The following STX10 variants were observed in gnomAD, a reference collection of about 807,000 sequenced individuals.
The protein encoded by STX10 is syntaxin-10.
In STX10, 35 loss-of-function variants were observed where a neutral mutation model predicts 34.1. That is an observed-to-expected ratio of 1.03 (90% confidence interval 0.78 to 1.36). The LOEUF is 1.36. Ranked by LOEUF, STX10 falls within the 40% of genes most tolerant of loss-of-function variation. The pLI is 0.00. For missense variants in STX10, 361 were observed against 335.5 expected (o/e 1.08, Z -0.59); for synonymous variants, 155 against 132.9 (o/e 1.17, Z -1.15).
chr19:13,146,822 T>G lies in STX10; in HGVS notation c.364-1427A>C, dbSNP rs374405075. On this transcript the variant is annotated intron_variant, in intron 4 of 7. Transcript: ENST00000587230. The stretch of plus-strand genomic sequence containing the variant: ...TCCCAAAGTGCTGAGATTTTAGGTG[T>G]GAGCCACCGTGCCCGGCTCCAACAG... 3.5e-4 allele frequency among the ~76,000 whole-genome samples: 54 copies of G among 152,198 alleles called. No homozygotes were observed. The East Asian group carries it at 7.5e-3, about 21-fold the overall frequency.
Position 13,150,120 on chromosome 19 carries a change from C to T in STX10, c.35+19G>A. 1 of 1,144,338 alleles carries T rather than the reference C, an allele frequency of 8.7e-7. No homozygotes were observed. The highest frequency in any genetic ancestry group is 1.3e-6 in the Non-Finnish European group (1 of 767,148). The allele number at this position is 1,144,338 out of a possible 1,614,324, so 70.9% of individuals were successfully genotyped here. ...TGGGTACAGAGCACCCTCCGCCCTC[C>T]CCCGTCGTTGTCACTCACCCTCGGA... is the stretch of plus-strand genomic sequence containing the variant. On this transcript the variant is annotated intron_variant, in intron 1 of 7. Coordinates refer to ENST00000587230, the MANE Select transcript of STX10 (RefSeq NM_003765.3). The surrounding 1 kb of genome is among the most constrained non-coding windows in gnomAD (Gnocchi z 4.0).
Position 13,149,599 on chromosome 19 carries a change from C to T in STX10, c.206-6G>A, listed in dbSNP as rs1430786629. 6.2e-7 allele frequency: 1 copy of T among 1,614,002 alleles called. No individual in the cohort carries two copies. The highest frequency in any genetic ancestry group is 8.5e-7 in the Non-Finnish European group (1 of 1,179,962). ...TGGGTTGGCTTCCACTATACGTGGGCTGAGAGTCAAGGGTCAAGGCCGGAG... is the reference window on the plus strand; with the variant it reads ...TGGGTTGGCTTCCACTATACGTGGGTTGAGAGTCAAGGGTCAAGGCCGGAG... On this transcript the variant is annotated splice_polypyrimidine_tract_variant and splice_region_variant and intron_variant, in intron 2 of 7. Transcript: ENST00000587230.
intron 4 of STX10, 130 bp downstream of exon 4, chr19:13,148,899 A>G: frequency 1.4e-6 from 1 of 694,494 alleles, no homozygotes; most frequent in Non-Finnish European, 2.5e-6. Context: ...AGGCAGGTAG[A>G]CAGCAAGAAG....
intron 3 of STX10, 69 bp downstream of exon 3, chr19:13,149,423 AAAAAAAG>A: frequency 9.4e-6 from 11 of 1,168,804 alleles, no homozygotes; most frequent in Non-Finnish European, 1.2e-5. Context: ...AAAAAAAAAA[AAAAAAAG>A]AAAGAAAGAA....
chr19:13,148,359 C>T (rs796180323), intron 4 of STX10, among the ~76,000 whole-genome samples: 2 of 151,972 alleles, frequency 1.3e-5, no homozygotes, highest in African/African-American at 4.8e-5. Context: ...CAAAATTAGC[C>T]AGGCATGGTG....
chr19:13,147,962 G>T (rs2019941672), intron 4 of STX10, among the ~76,000 whole-genome samples: 2 of 149,364 alleles, frequency 1.3e-5, no homozygotes. Context: ...CTACTCAGGA[G>T]GCTGAGGCTG....
intron 3 of STX10, 100 bp downstream of exon 3, chr19:13,149,399 G>T (rs1346942673): frequency 4.1e-6 from 4 of 972,826 alleles, no homozygotes; most frequent in South Asian, 1.7e-5. Context: ...GCGACAGAGC[G>T]AGGCTCTGTC....
At chr19:13,145,155 C>G in intron 5 of STX10, 133 bp downstream of exon 5, 1 of 824,160 alleles carries the variant, frequency 1.2e-6, no homozygotes, top group Non-Finnish European at 1.9e-6. Context: ...GCTGAGATCG[C>G]GCCACTGCAC....
chr19:13,146,680 A>C (rs2019905836), intron 4 of STX10, among the ~76,000 whole-genome samples: 1 of 151,720 alleles, frequency 6.6e-6, no homozygotes, highest in Non-Finnish European at 1.5e-5. Context: ...ATCTGAGATT[A>C]CAGGTGATCA....
At chr19:13,149,426 A>AAAAAAAAAAG (rs1555724459) in intron 3 of STX10, 73 bp downstream of exon 3, 4 of 757,148 alleles carry the variant, frequency 5.3e-6, no homozygotes, top group Admixed American at 3.1e-5. Context: ...AAAAAAAAAA[A>AAAAAAAAAAG]AAAGAAAGAA....
intron 6 of STX10, 22 bp from the exon 7 acceptor site, chr19:13,144,693 C>T (rs760229625): frequency 2.5e-6 from 4 of 1,613,788 alleles, no homozygotes; most frequent in Non-Finnish European, 3.4e-6. Context: ...AGGATGGCAT[C>T]AGCCCCAGAT....
chr19:13,147,893 CAAAAAAAAA>C (rs1159793123), intron 4 of STX10, among the ~76,000 whole-genome samples: 1 of 54,624 alleles, frequency 1.8e-5, no homozygotes, highest in Non-Finnish European at 3.3e-5. Flanking sequence ...CACTCCGTCT[CAAAAAAAAA>C]AAAAAAAAAA....
chr19:13,149,645 T>C, intron 2 of STX10, 52 bp from the exon 3 acceptor site: 1 of 1,612,210 alleles, frequency 6.2e-7, no homozygotes, highest in Non-Finnish European at 8.5e-7. Flanking sequence ...TCCCCGTCCC[T>C]AGGGGTCCAG....
At chr19:13,148,318 A>C (rs2019954404) in intron 4 of STX10, among the ~76,000 whole-genome samples, 1 of 151,858 alleles carries the variant, frequency 6.6e-6, no homozygotes, top group Admixed American at 6.6e-5. Context: ...AGCCTGACCA[A>C]CATGGAGAAA....
chr19:13,148,133 G>A (rs1034317100), intron 4 of STX10, among the ~76,000 whole-genome samples: 2 of 151,868 alleles, frequency 1.3e-5, no homozygotes, highest in African/African-American at 2.4e-5. Flanking sequence ...CAGCACTTTG[G>A]AAGGCTGAGG....
rs1441658021 is a variant in STX10, at chr19:13,149,848, A to C, written c.85T>G (p.Cys29Gly). Residue 29 changes from cysteine (C) to glycine (G), a missense_variant, in exon 2 of 8, where the codon TGC becomes GGC. By Grantham distance (159) the Cys-to-Gly change is radical. Transcript: ENST00000587230. ...NTARGLYQRW[C>G]ELLQESAAVG... The stretch of plus-strand genomic sequence containing the variant: ...GCCGCGCTTTCCTGCAGGAGCTCGC[A>C]CCAGCGCTGGTACAGCCCGCGGGCC... The C allele has an allele frequency of 1.2e-6, 2 of 1,612,626 alleles. No homozygotes were observed. Among genetic ancestry groups the C allele is most frequent in the South Asian group, 2.2e-5 (2 of 90,998 alleles).
chr19:13,149,843 C>G lies in STX10; in HGVS notation c.90G>C (p.Glu30Asp). ...TARGLYQRWCELLQESAAVGR... is the reference protein window; with the variant it reads ...TARGLYQRWCDLLQESAAVGR... ...CGACCGCCGCGCTTTCCTGCAGGAG[C>G]TCGCACCAGCGCTGGTACAGCCCGC... Residue 30 changes from glutamate (E) to aspartate (D), a missense_variant, in exon 2 of 8, where the codon GAG becomes GAC. Transcript: ENST00000587230. 6.2e-7 allele frequency: 1 copy of G among 1,613,072 alleles called. No individual in the cohort carries two copies.
intron 4 of STX10, 118 bp from the exon 5 acceptor site, chr19:13,145,513 T>TC: frequency 3.9e-6 from 3 of 760,142 alleles, no homozygotes; most frequent in Non-Finnish European, 6.4e-6. Context: ...CAGCCTGCAT[T>TC]CCCCACTCAC....
rs763455652 is a variant in STX10 at position 13,144,673 on chromosome 19, T to C, written c.579-2A>G. On this transcript the variant is annotated splice_acceptor_variant, in intron 6 of 7. Transcript: ENST00000587230. LOFTEE classifies it high-confidence loss of function. ...TCTTGGGCGAAGGCATCCAGCATGCTGCCAAGAACAGGATGGCATCAGCCC... is the reference window on the plus strand; with the variant it reads ...TCTTGGGCGAAGGCATCCAGCATGCCGCCAAGAACAGGATGGCATCAGCCC... The C allele has an allele frequency of 1.2e-6, 2 of 1,614,034 alleles. No individual in the cohort carries two copies. The highest frequency in any genetic ancestry group is 3.3e-5 in the Admixed American group (2 of 60,010).
Sources: allele counts gnomAD v4.1 joint callset (sites outside exome capture counted in the v4.1 genomes callset), GRCh38; gene constraint gnomAD v4.1.1; non-coding constraint Gnocchi (gnomAD v3.1); transcripts MANE v1.5; gene names NCBI Gene and HGNC (gene_info 2026-07-23, HGNC 2026-07-21).